The following MGAT4C variants were observed in gnomAD, a reference collection of about 807,000 sequenced individuals.
MGAT4C encodes alpha-1,3-mannosyl-glycoprotein 4-beta-N-acetylglucosaminyltransferase C.
Under a neutral mutation model 40.1 loss-of-function variants are expected in MGAT4C, and 19 were observed. The ratio of observed to expected loss-of-function variants is 0.47; its 90% CI spans 0.33 to 0.70. The LOEUF (loss-of-function observed/expected upper bound fraction) is 0.70, where lower values mean the gene tolerates loss of function less well. Ranked by LOEUF, MGAT4C falls within the 30% of genes least tolerant of loss-of-function variation. MGAT4C has a pLI of 0.02. For synonymous variants in MGAT4C, 181 were observed against 187.1 expected (o/e 0.97, Z 0.27); for missense variants, 491 against 563.2 (o/e 0.87, Z 1.30).
At chr12:86,236,124 A>G (rs1185251998) in intron 1 of MGAT4C, among the ~76,000 whole-genome samples, 2 of 152,096 alleles carry the variant, frequency 1.3e-5, no homozygotes, top group African/African-American at 2.4e-5. Flanking sequence ...TACATGGTTC[A>G]TGTGTCACTG....
chr12:86,202,195 C>A (rs892441424), intron 1 of MGAT4C, among the ~76,000 whole-genome samples: 12 of 152,126 alleles, frequency 7.9e-5, no homozygotes, highest in African/African-American at 2.9e-4. Context: ...TAGTTCAAAT[C>A]TTAGTAAGAA....
intron 2 of MGAT4C, among the ~76,000 whole-genome samples, chr12:86,456,062 T>C (rs1471685943): frequency 6.6e-6 from 1 of 152,168 alleles, no homozygotes; most frequent in Non-Finnish European, 1.5e-5. Flanking sequence ...GAAAGTGTTT[T>C]AATATATCCT....
chr12:86,230,753 C>T (rs1286211867), intron 1 of MGAT4C, among the ~76,000 whole-genome samples: 1 of 152,142 alleles, frequency 6.6e-6, no homozygotes, highest in Non-Finnish European at 1.5e-5. Flanking sequence ...AAAGGAATTT[C>T]ACCTCTGCCA....
At chr12:86,125,350 A>G (rs1212863694) in intron 1 of MGAT4C, among the ~76,000 whole-genome samples, 1 of 152,184 alleles carries the variant, frequency 6.6e-6, no homozygotes, top group East Asian at 1.9e-4. Flanking sequence ...CACACAGGGA[A>G]AAAAGGTATA....
At chr12:86,678,430 T>A (rs1020540223) in intron 2 of MGAT4C, among the ~76,000 whole-genome samples, 11 of 151,886 alleles carry the variant, frequency 7.2e-5, no homozygotes, top group East Asian at 5.8e-4. Flanking sequence ...CTTTTTTTTT[T>A]ATTTTATTAT....
chr12:86,703,382 G>A (rs1950397397), intron 2 of MGAT4C, among the ~76,000 whole-genome samples: 2 of 152,076 alleles, frequency 1.3e-5, no homozygotes, highest in South Asian at 4.1e-4. Flanking sequence ...GTAAAAGGAA[G>A]AGTAAATAGA....
intron 2 of MGAT4C, among the ~76,000 whole-genome samples, chr12:86,702,029 A>AT (rs1184342743): frequency 2.0e-5 from 3 of 151,970 alleles, no homozygotes; most frequent in Admixed American, 6.6e-5. Flanking sequence ...TAAACAACAT[A>AT]TTTTTTTCTC....
intron 3 of MGAT4C, among the ~76,000 whole-genome samples, chr12:86,385,426 G>C (rs1364903393): frequency 6.6e-6 from 1 of 151,956 alleles, no homozygotes; most frequent in Non-Finnish European, 1.5e-5. Flanking sequence ...TTCATGTCAT[G>C]CCATAAGGAG....
intron 2 of MGAT4C, among the ~76,000 whole-genome samples, chr12:86,701,182 G>T (rs1950356607): frequency 6.6e-6 from 1 of 151,830 alleles, no homozygotes; most frequent in Non-Finnish European, 1.5e-5. Context: ...CCAAGGCTTT[G>T]TATTACAGTC....
At chr12:86,566,537 T>TAC (rs1960114873) in intron 2 of MGAT4C, among the ~76,000 whole-genome samples, 1 of 74,252 alleles carries the variant, frequency 1.3e-5, no homozygotes, top group Non-Finnish European at 2.5e-5. Context: ...TATACATATA[T>TAC]ATATATATAT....
intron 2 of MGAT4C, among the ~76,000 whole-genome samples, chr12:85,994,080 C>G (rs1886310242): frequency 6.6e-6 from 1 of 152,210 alleles, no homozygotes. Flanking sequence ...GCCAGCCTCC[C>G]TGCTGCAGCT....
At chr12:86,566,623 TA>T (rs1960134198) in intron 2 of MGAT4C, among the ~76,000 whole-genome samples, 1 of 143,544 alleles carries the variant, frequency 7.0e-6, no homozygotes, top group African/African-American at 2.5e-5. Flanking sequence ...TATATATGTA[TA>T]TATGTATTAT....
At chr12:86,335,297 A>T (rs1442887491) in intron 3 of MGAT4C, among the ~76,000 whole-genome samples, 3 of 152,026 alleles carry the variant, frequency 2.0e-5, no homozygotes, top group African/African-American at 7.2e-5. Flanking sequence ...CCCCTTTGAG[A>T]TGTAAATCTT....
intron 2 of MGAT4C, among the ~76,000 whole-genome samples, chr12:86,496,554 A>G (rs1455983980): frequency 6.6e-6 from 1 of 151,650 alleles, no homozygotes; most frequent in East Asian, 1.9e-4. Flanking sequence ...GAAATGCTTA[A>G]AATATCTGTA....
intron 2 of MGAT4C, among the ~76,000 whole-genome samples, chr12:86,704,617 G>A (rs1164974289): frequency 2.0e-5 from 3 of 151,900 alleles, no homozygotes; most frequent in Non-Finnish European, 4.4e-5. Flanking sequence ...ATTTACACAG[G>A]GCACTTCAGC....
chr12:86,412,568 T>C (rs190099647), intron 3 of MGAT4C, among the ~76,000 whole-genome samples: 84 of 152,352 alleles, frequency 5.5e-4, no homozygotes, highest in African/African-American at 1.9e-3. Context: ...AACCAATGCC[T>C]GTACCCACAT....
At chr12:86,046,646 A>C (rs1487979644) in intron 2 of MGAT4C, among the ~76,000 whole-genome samples, 1 of 152,210 alleles carries the variant, frequency 6.6e-6, no homozygotes. Context: ...AGTAGTTTTC[A>C]AAGTGTGAAT....
At chr12:86,465,545 C>T (rs7303796) in intron 2 of MGAT4C, among the ~76,000 whole-genome samples, 99,336 of 150,124 alleles carry the variant, frequency 0.66, 33,235 homozygotes, top group South Asian at 0.8. Context: ...AGCAAAAAAC[C>T]TGAGTTAAAA....
chr12:86,074,258 G>A (rs1396011538), intron 1 of MGAT4C, among the ~76,000 whole-genome samples: 3 of 151,676 alleles, frequency 2.0e-5, no homozygotes, highest in Non-Finnish European at 4.4e-5. Flanking sequence ...TCTCAGTTTC[G>A]GGTATGTCTT....
Sources: allele counts gnomAD v4.1 joint callset (sites outside exome capture counted in the v4.1 genomes callset), GRCh38; gene constraint gnomAD v4.1.1; transcripts MANE v1.5; gene names NCBI Gene and HGNC (gene_info 2026-07-23, HGNC 2026-07-21).